The following ZHX2 variants were observed in gnomAD, a reference collection of about 807,000 sequenced individuals.
The protein encoded by ZHX2 is zinc fingers and homeoboxes protein 2.
A neutral mutation model predicts 21.9 loss-of-function variants in ZHX2; 6 were observed. The observed-to-expected ratio is 0.27, with a 90% confidence interval of 0.15 to 0.54. The LOEUF is 0.54. Among genes scored for constraint, ZHX2 ranks in the 20% least tolerant of loss-of-function variants. The pLI is 0.95. For missense variants in ZHX2, 908 were observed against 1,090.7 expected, an observed-to-expected ratio of 0.83 and a Z score of 2.36; for synonymous variants, 434 against 437.1, an observed-to-expected ratio of 0.99 and a Z score of 0.09.
intron 3 of ZHX2, among the ~76,000 whole-genome samples, chr8:122,961,047 G>A (rs1361253129): frequency 6.6e-6 from 1 of 152,192 alleles, no homozygotes; most frequent in Non-Finnish European, 1.5e-5. Context: ...AGTCAGCTAA[G>A]GCTGCCAGAA....
chr8:122,847,550 G>A (rs1048924202), intron 1 of ZHX2, among the ~76,000 whole-genome samples: 4 of 152,216 alleles, frequency 2.6e-5, no homozygotes, highest in Non-Finnish European at 5.9e-5. Flanking sequence ...CCATCCCTAT[G>A]TGCCAGGCCC....
intron 3 of ZHX2, among the ~76,000 whole-genome samples, chr8:122,956,965 A>C (rs7002339): frequency 0.69 from 104,748 of 151,924 alleles, 36,339 homozygotes; most frequent in South Asian, 0.77. Flanking sequence ...CCCAAAGAAG[A>C]CAGTAATGAG....
chr8:122,935,930 TC>T (rs529971200), intron 2 of ZHX2, among the ~76,000 whole-genome samples: 56 of 152,096 alleles, frequency 3.7e-4, no homozygotes, highest in Non-Finnish European at 6.9e-4. Context: ...ACTTTCTGTC[TC>T]CCCTCCTAGA....
At chr8:122,892,749 A>G (rs1159222118) in intron 2 of ZHX2, among the ~76,000 whole-genome samples, 2 of 152,172 alleles carry the variant, frequency 1.3e-5, no homozygotes, top group Non-Finnish European at 2.9e-5. Flanking sequence ...CAAAGGCACA[A>G]TCTTGGCTCA....
intron 3 of ZHX2, among the ~76,000 whole-genome samples, chr8:122,962,139 T>A (rs943394551): frequency 6.6e-6 from 1 of 152,172 alleles, no homozygotes; most frequent in African/African-American, 2.4e-5. Flanking sequence ...TCCAAACTAT[T>A]TTAATAGTTT....
rs1586437623 is a variant in ZHX2, at chr8:122,973,953, A to G, written c.*716A>G. 1.3e-5 allele frequency: 2 copies of G among 152,642 alleles called. No individual in the cohort carries two copies. Among genetic ancestry groups the G allele is most frequent in the African/African-American group, 4.8e-5 (2 of 41,530 alleles). The allele number at this position is 152,642 out of a possible 1,614,324, so 9.5% of individuals were successfully genotyped here. On this transcript the variant is annotated 3_prime_UTR_variant, in exon 4 of 4. Coordinates refer to ENST00000314393, the MANE Select transcript of ZHX2 (RefSeq NM_014943.5). ...TGCCAAGAGGGGATCTGGCTTCTCAACTGCTCGGCCTCTTGGGCCAGGCTG... is the reference window on the plus strand; with the variant it reads ...TGCCAAGAGGGGATCTGGCTTCTCAGCTGCTCGGCCTCTTGGGCCAGGCTG...
chr8:122,883,026 T>C (rs950321431), intron 2 of ZHX2, among the ~76,000 whole-genome samples: 1 of 151,950 alleles, frequency 6.6e-6, no homozygotes, highest in African/African-American at 2.4e-5. Context: ...CTCCCAGAGA[T>C]TGTAACCACC....
At chr8:122,857,923 A>G (rs1014953343) in intron 1 of ZHX2, among the ~76,000 whole-genome samples, 1 of 152,218 alleles carries the variant, frequency 6.6e-6, no homozygotes, top group Non-Finnish European at 1.5e-5. Context: ...TATGTGAGCA[A>G]TTTTGCAGAT....
chr8:122,954,988 G>T (rs1196511727), intron 3 of ZHX2, among the ~76,000 whole-genome samples: 1 of 149,116 alleles, frequency 6.7e-6, no homozygotes, highest in Non-Finnish European at 1.5e-5. Flanking sequence ...CAAAAGGAAG[G>T]TGCCACTGTG....
chr8:122,897,648 A>G (rs1586370085), intron 2 of ZHX2, among the ~76,000 whole-genome samples: 1 of 152,118 alleles, frequency 6.6e-6, no homozygotes, highest in Non-Finnish European at 1.5e-5. Context: ...TTAGCATCCC[A>G]GAGTATTGCC....
chr8:122,904,591 T>A lies in ZHX2; in HGVS notation c.-220+41052T>A, dbSNP rs377395651. ...AGCTGGAACTCCCATCACTGCACAG[T>A]AATGAGAAGGCTCCCCCTCAAGTGT... On this transcript the variant is annotated intron_variant, in intron 2 of 3. Transcript: ENST00000314393. Among the ~76,000 whole-genome samples the A allele has an allele frequency of 2.0e-4, 31 of 152,282 alleles. 1 individual carries two copies. The South Asian group carries it at 6.0e-3, about 30-fold the overall frequency.
At chr8:122,957,090 C>T (rs776216809) in intron 3 of ZHX2, among the ~76,000 whole-genome samples, 4 of 152,124 alleles carry the variant, frequency 2.6e-5, no homozygotes, top group Non-Finnish European at 5.9e-5. Context: ...CATGGTCTTA[C>T]TTAATTCTCC....
chr8:122,843,897 TAGAG>T (rs1017222173), intron 1 of ZHX2, among the ~76,000 whole-genome samples: 9 of 149,608 alleles, frequency 6.0e-5, no homozygotes, highest in East Asian at 5.9e-4. Context: ...ACACAGTAAT[TAGAG>T]AGGAAATACA....
At chr8:122,934,097 A>G (rs902370916) in intron 2 of ZHX2, among the ~76,000 whole-genome samples, 3 of 152,212 alleles carry the variant, frequency 2.0e-5, no homozygotes, top group Non-Finnish European at 1.5e-5. Context: ...TGGCATTATG[A>G]TGGAGTCTTC....
chr8:122,889,398 T>G (rs887591274), intron 2 of ZHX2, among the ~76,000 whole-genome samples: 10 of 152,242 alleles, frequency 6.6e-5, no homozygotes, highest in Non-Finnish European at 1.5e-4. Flanking sequence ...TGTTATTTTT[T>G]GTCTTTTTGA....
At chr8:122,960,787 C>G (rs1813422497) in intron 3 of ZHX2, among the ~76,000 whole-genome samples, 1 of 152,136 alleles carries the variant, frequency 6.6e-6, no homozygotes, top group East Asian at 1.9e-4. Context: ...ATCAAAATTT[C>G]CCTTGAAATT....
At chr8:122,820,736 C>T (rs1818128124) in intron 1 of ZHX2, among the ~76,000 whole-genome samples, 1 of 152,174 alleles carries the variant, frequency 6.6e-6, no homozygotes, top group African/African-American at 2.4e-5. Context: ...GAAGCTTCAA[C>T]TCCACGAGAT....
intron 2 of ZHX2, among the ~76,000 whole-genome samples, chr8:122,901,217 G>A (rs1289404760): frequency 6.6e-6 from 1 of 152,158 alleles, no homozygotes; most frequent in African/African-American, 2.4e-5. Context: ...TAGAATGTGA[G>A]AATTTTTAGT....
Position 122,818,960 on chromosome 8 carries a change from T to A in ZHX2, c.-283+37014T>A, listed in dbSNP as rs999233756. Among the ~76,000 whole-genome samples, 3 of 152,206 alleles carry A rather than the reference T, an allele frequency of 2.0e-5. No individual in the cohort carries two copies. In the South Asian group the frequency reaches 6.2e-4, roughly 32 times the overall value. ...TCTCAGGCAGCAGCAAGCTCGCAGA[T>A]AGACCGCGTCCTTAGCCATAGGACC... On this transcript the variant is annotated intron_variant, in intron 1 of 3. Coordinates refer to ENST00000314393, the MANE Select transcript of ZHX2 (RefSeq NM_014943.5).
Sources: allele counts gnomAD v4.1 joint callset (sites outside exome capture counted in the v4.1 genomes callset), GRCh38; gene constraint gnomAD v4.1.1; transcripts MANE v1.5; gene names NCBI Gene and HGNC (gene_info 2026-07-23, HGNC 2026-07-21).